RCL1: variants seen among roughly 807,000 people sequenced by gnomAD.
RCL1 encodes the protein RNA terminal phosphate cyclase like 1.
RCL1 carries 24 observed loss-of-function variants against 42.4 expected under a neutral mutation model. The ratio of observed to expected loss-of-function variants is 0.57; its 90% CI spans 0.41 to 0.80. RCL1 has a LOEUF of 0.80. Among genes scored for constraint, RCL1 ranks in the 30% least tolerant of loss-of-function variants. RCL1 has a pLI of 0.00. For synonymous variants in RCL1, 228 were observed against 177.3 expected, an observed-to-expected ratio of 1.29 and a Z score of -2.27; for missense variants, 578 against 467.9, an observed-to-expected ratio of 1.24 and a Z score of -2.17.
intron 1 of RCL1, among the ~76,000 whole-genome samples, chr9:4,803,618 A>G (rs1399952726): frequency 6.6e-6 from 1 of 152,082 alleles, no homozygotes; most frequent in African/African-American, 2.4e-5. Context: ...TTGGATTCCT[A>G]ATTTTTCTTG....
intron 6 of RCL1, among the ~76,000 whole-genome samples, chr9:4,844,205 G>C (rs1199588889): frequency 6.6e-6 from 1 of 152,172 alleles, no homozygotes; most frequent in Non-Finnish European, 1.5e-5. Context: ...GGGCAGGTCT[G>C]TGTTGTGGTT....
chr9:4,857,427 C>T (rs1049471241), intron 8 of RCL1, among the ~76,000 whole-genome samples: 8 of 150,774 alleles, frequency 5.3e-5, no homozygotes, highest in Non-Finnish European at 1.2e-4. Flanking sequence ...TGATGTAGCA[C>T]GTATCAGTGC....
At chr9:4,836,180 T>G (rs763025741) in intron 5 of RCL1, among the ~76,000 whole-genome samples, 1 of 152,224 alleles carries the variant, frequency 6.6e-6, no homozygotes, top group Non-Finnish European at 1.5e-5. Flanking sequence ...CAGTGCCAGC[T>G]GCATGGCCAT....
At chr9:4,849,328 T>C (rs1315174681) in intron 7 of RCL1, 119 bp from the exon 8 acceptor site, 2 of 704,508 alleles carry the variant, frequency 2.8e-6, no homozygotes, top group East Asian at 2.7e-5. Flanking sequence ...TTCTGTTTTA[T>C]TGTTGCTTGA....
chr9:4,838,078 C>T (rs563911009), intron 5 of RCL1, among the ~76,000 whole-genome samples: 1 of 152,288 alleles, frequency 6.6e-6, no homozygotes, highest in African/African-American at 2.4e-5. Context: ...AAAAGAGCTG[C>T]CTTTGGAAAA....
intron 1 of RCL1, among the ~76,000 whole-genome samples, chr9:4,802,868 TG>T (rs2130969238): frequency 6.6e-6 from 1 of 152,322 alleles, no homozygotes; most frequent in East Asian, 1.9e-4. Context: ...TCGCACAGGC[TG>T]GGGTGCAGAG....
chr9:4,844,915 C>T lies in RCL1; in HGVS notation c.867+234C>T, dbSNP rs1563853782. Among the ~76,000 whole-genome samples, 4 of 151,906 alleles carry T rather than the reference C, an allele frequency of 2.6e-5. No individual in the cohort carries two copies. In the South Asian group the frequency reaches 6.2e-4, roughly 24 times the overall value. On this transcript the variant is annotated intron_variant, in intron 7 of 8. Transcript: ENST00000381750. Reference sequence around the variant, plus strand: ...AGGGCAGGTAAGTTTTAACAGTGAGCCAAGGAAAGAACTGGAACAGTCATA... The same window carrying T: ...AGGGCAGGTAAGTTTTAACAGTGAGTCAAGGAAAGAACTGGAACAGTCATA...
intron 1 of RCL1, among the ~76,000 whole-genome samples, chr9:4,811,794 A>G (rs907208586): frequency 1.3e-5 from 2 of 152,286 alleles, no homozygotes; most frequent in East Asian, 1.9e-4. Context: ...CATAATGGCT[A>G]TACTAATTTA....
In RCL1 at chr9:4,860,226, T is replaced by C. The variant is rs1187029561; in HGVS notation, c.1073T>C (p.Met358Thr). The stretch of plus-strand genomic sequence containing the variant: ...CTCAAGGGTGGGGATAAAGTGCTGA[T>C]GACCTGTGTTGGCATTGGTTTCTCC... ...EELKGGDKVL[M>T]TCVGIGFSNL... Residue 358 changes from methionine (M) to threonine (T), a missense_variant, in exon 9 of 9, where the codon ATG becomes ACG. By Grantham distance (81) the Met-to-Thr change is moderately conservative. Coordinates refer to ENST00000381750, the MANE Select transcript of RCL1 (RefSeq NM_005772.5). 6.2e-7 allele frequency: 1 copy of C among 1,613,592 alleles called. No individual in the cohort carries two copies. The highest frequency in any genetic ancestry group is 8.5e-7 in the Non-Finnish European group (1 of 1,179,830).
intron 1 of RCL1, among the ~76,000 whole-genome samples, chr9:4,812,269 G>A (rs413283): frequency 1.8e-4 from 27 of 152,152 alleles, no homozygotes; most frequent in Non-Finnish European, 3.2e-4. Context: ...CAGAGTAAAC[G>A]TCCTGTAATG....
At position 4,849,516 on chromosome 9, in the gene RCL1, T is replaced by A; in HGVS notation, c.937T>A (p.Ser313Thr). The A allele has an allele frequency of 1.2e-6, 2 of 1,613,654 alleles. No homozygotes were observed. Among genetic ancestry groups the A allele is most frequent in the Non-Finnish European group, 1.7e-6 (2 of 1,179,776 alleles). Residue 313 changes from serine (S) to threonine (T), a missense_variant, in exon 8 of 9, where the codon TCC becomes ACC. Ser to Thr is a moderately conservative substitution (Grantham distance 58). Coordinates refer to ENST00000381750, the MANE Select transcript of RCL1 (RefSeq NM_005772.5). ...CATGACCCTTGGACAGCAGGATGTTTCCAAAGTCCTGCTAGGCCCTCTCTC... is the reference window on the plus strand; with the variant it reads ...CATGACCCTTGGACAGCAGGATGTTACCAAAGTCCTGCTAGGCCCTCTCTC... Reference protein sequence around the residue: ...LLMTLGQQDVSKVLLGPLSPY... With the variant: ...LLMTLGQQDVTKVLLGPLSPY...
chr9:4,816,635 G>A (rs890850447), intron 1 of RCL1, among the ~76,000 whole-genome samples: 1 of 151,978 alleles, frequency 6.6e-6, no homozygotes, highest in Non-Finnish European at 1.5e-5. Context: ...CTTAATCACA[G>A]TAGTAATTTT....
At chr9:4,811,634 A>G (rs1007841450) in intron 1 of RCL1, among the ~76,000 whole-genome samples, 1 of 152,150 alleles carries the variant, frequency 6.6e-6, no homozygotes. Flanking sequence ...TCCGTTATGT[A>G]TGTGTTTGTG....
At chr9:4,801,088 G>A (rs75511465) in intron 1 of RCL1, among the ~76,000 whole-genome samples, 9,893 of 152,214 alleles carry the variant, frequency 0.065, 605 homozygotes, top group African/African-American at 0.16. Flanking sequence ...CTTAATTTGC[G>A]TATTACAAAT....
intron 1 of RCL1, among the ~76,000 whole-genome samples, chr9:4,817,224 G>A (rs948676043): frequency 3.3e-5 from 5 of 151,996 alleles, no homozygotes; most frequent in African/African-American, 9.6e-5. Flanking sequence ...CTTCTTTTTA[G>A]GTCCTTTTGT....
intron 1 of RCL1, chr9:4,804,718 G>A (rs967926175): frequency 2.3e-5 from 4 of 177,354 alleles, no homozygotes; most frequent in Non-Finnish European, 2.4e-5. Context: ...CGCTGGTGGG[G>A]AGGACGATCG....
At chr9:4,816,056 T>C (rs1244321648) in intron 1 of RCL1, among the ~76,000 whole-genome samples, 1 of 152,184 alleles carries the variant, frequency 6.6e-6, no homozygotes, top group Non-Finnish European at 1.5e-5. Context: ...TAAAGTCTAG[T>C]TGTTTAATTG....
chr9:4,817,828 A>C (rs1200849075), intron 1 of RCL1, among the ~76,000 whole-genome samples: 2 of 146,378 alleles, frequency 1.4e-5, no homozygotes, highest in Non-Finnish European at 3.0e-5. Context: ...TCTTCTTTTG[A>C]GATTATCATT....
At chr9:4,847,458 G>C (rs948498588) in intron 7 of RCL1, among the ~76,000 whole-genome samples, 1 of 151,932 alleles carries the variant, frequency 6.6e-6, no homozygotes, top group African/African-American at 2.4e-5. Context: ...ATGCCTCATC[G>C]GTTACCAAGC....
Sources: gnomAD v4.1 joint callset for allele counts (sites outside exome capture counted in the v4.1 genomes callset) on GRCh38, gnomAD v4.1.1 for gene constraint, MANE v1.5 for transcripts, NCBI Gene and HGNC (gene_info 2026-07-23, HGNC 2026-07-21) for gene names.